WDR72: variants seen among roughly 807,000 people sequenced by gnomAD.
The protein encoded by WDR72 is WD repeat domain 72, also known as WD repeat-containing protein 72.
Under a neutral mutation model 124.2 loss-of-function variants are expected in WDR72, and 120 were observed. That is an observed-to-expected ratio of 0.97 (90% CI 0.83 to 1.12). The LOEUF is 1.12. Ranked by LOEUF, WDR72 falls within the 50% of genes most tolerant of loss-of-function variation. WDR72 has a pLI of 0.00. For missense variants in WDR72, 1,387 were observed against 1,278.8 expected (o/e 1.08, Z -1.29); for synonymous variants, 452 against 441.7 (o/e 1.02, Z -0.29).
chr15:53,550,647 G>A (rs77579188), intron 18 of WDR72, among the ~76,000 whole-genome samples: 1 of 152,182 alleles, frequency 6.6e-6, no homozygotes, highest in African/African-American at 2.4e-5. Context: ...CCTCCACAAG[G>A]AATGATTAGG....
At chr15:53,641,339 A>G (rs2014842484) in intron 14 of WDR72, among the ~76,000 whole-genome samples, 4 of 151,588 alleles carry the variant, frequency 2.6e-5, no homozygotes, top group African/African-American at 9.7e-5. Flanking sequence ...AAGTGCTACT[A>G]TTTTACTGTG....
At chr15:53,657,800 A>T (rs565126607) in intron 14 of WDR72, among the ~76,000 whole-genome samples, 2 of 152,218 alleles carry the variant, frequency 1.3e-5, no homozygotes, top group African/African-American at 4.8e-5. Flanking sequence ...CTCTGGTAGA[A>T]ATCACGGTTG....
At chr15:53,565,403 C>CT (rs1398303973) in intron 18 of WDR72, among the ~76,000 whole-genome samples, 1 of 151,828 alleles carries the variant, frequency 6.6e-6, no homozygotes, top group African/African-American at 2.4e-5. Flanking sequence ...CCACCCATTT[C>CT]TTTTTTGGAA....
rs1892517694 is a variant in WDR72, at chr15:53,532,191, G to C, written c.3149-8869C>G. 2.0e-5 allele frequency among the ~76,000 whole-genome samples: 3 copies of C among 152,116 alleles called. No homozygotes were observed. In the South Asian group the frequency reaches 6.2e-4, roughly 32 times the overall value. On this transcript the variant is annotated intron_variant, in intron 18 of 19. Transcript: ENST00000360509. ...AAAGGAGAACCCTCATACACCGCTG[G>C]TGGGAATGTAAATTAGTACAGCTAC... is the stretch of plus-strand genomic sequence containing the variant.
intron 18 of WDR72, among the ~76,000 whole-genome samples, chr15:53,589,156 A>G (rs1310525226): frequency 6.6e-6 from 1 of 151,924 alleles, no homozygotes. Flanking sequence ...TGAAATAACT[A>G]TCACTAACAG....
intron 14 of WDR72, among the ~76,000 whole-genome samples, chr15:53,662,106 C>T (rs549129017): frequency 6.6e-6 from 1 of 152,164 alleles, no homozygotes; most frequent in South Asian, 2.1e-4. Flanking sequence ...GTTATTTATT[C>T]CCTACTTTGA....
At chr15:53,668,941 G>C (rs1252875638) in intron 13 of WDR72, among the ~76,000 whole-genome samples, 8 of 42,736 alleles carry the variant, frequency 1.9e-4, no homozygotes, top group Non-Finnish European at 4.5e-4. Context: ...GGAGGAGGAG[G>C]AGGAGCAGGA....
intron 13 of WDR72, among the ~76,000 whole-genome samples, chr15:53,669,878 C>A (rs2015928198): frequency 6.6e-6 from 1 of 152,136 alleles, no homozygotes; most frequent in Non-Finnish European, 1.5e-5. Flanking sequence ...AATTCAACTT[C>A]CAATTTCAGG....
chr15:53,557,900 TGA>T (rs941100206), intron 18 of WDR72, among the ~76,000 whole-genome samples: 3 of 151,516 alleles, frequency 2.0e-5, no homozygotes, highest in Admixed American at 1.3e-4. Flanking sequence ...ATTGAGGAGG[TGA>T]GATTCAAATG....
At chr15:53,617,566 G>T (rs1054887064) in intron 14 of WDR72, among the ~76,000 whole-genome samples, 1 of 151,314 alleles carries the variant, frequency 6.6e-6, no homozygotes, top group Admixed American at 6.6e-5. Context: ...GTCAAATAAG[G>T]GTTAATATAA....
rs78493456 is a variant in WDR72, at chr15:53,665,695, C to T, written c.1839G>A (p.Val613=). ...CTGAGGCAATGGGAAGTACAGACTT[C>T]ACAAGCTGTGAATCATCACAACAAT... ...ILNCCDDSQL[V]KSVLPIASET... Residue 613 remains valine, a synonymous_variant, in exon 14 of 20, where the codon GTG becomes GTA. Coordinates refer to ENST00000360509, the MANE Select transcript of WDR72 (RefSeq NM_182758.4). 0.017 allele frequency: 27,096 copies of T among 1,613,872 alleles called. 415 individuals carry two copies. Among genetic ancestry groups the T allele is most frequent in the East Asian group, 0.074 (3,313 of 44,866 alleles).
At chr15:53,550,067 T>A (rs1566955883) in intron 18 of WDR72, among the ~76,000 whole-genome samples, 1 of 152,202 alleles carries the variant, frequency 6.6e-6, no homozygotes, top group Non-Finnish European at 1.5e-5. Context: ...AGCCAACCAT[T>A]GTTTATTGAA....
At chr15:53,641,197 C>T (rs2014835801) in intron 14 of WDR72, among the ~76,000 whole-genome samples, 1 of 151,978 alleles carries the variant, frequency 6.6e-6, no homozygotes. Context: ...CTCAGTTATA[C>T]AAAAGCCTTT....
In WDR72 at chr15:53,757,977, TTCTCTC is replaced by T. The variant is rs5812712; in HGVS notation, c.-13+1650_-13+1655del. ...ACAGGGAGAAACTTAAGAGTTTATT[TTCTCTC>T]TCTCTCTCTCTCTCTCTCTCTCTCT... On this transcript the variant is annotated intron_variant, in intron 1 of 19. Coordinates refer to ENST00000360509, the MANE Select transcript of WDR72 (RefSeq NM_182758.4). Among the ~76,000 whole-genome samples, 171 of 148,372 alleles carry T rather than the reference TTCTCTC, an allele frequency of 1.2e-3. 1 individual carries two copies. Among genetic ancestry groups the T allele is most frequent in the African/African-American group, 1.9e-3 (75 of 40,178 alleles).
intron 18 of WDR72, among the ~76,000 whole-genome samples, chr15:53,553,335 G>C (rs776311953): frequency 1.3e-5 from 2 of 152,174 alleles, no homozygotes; most frequent in Non-Finnish European, 1.5e-5. Context: ...CACAGATGCA[G>C]ACACACACAC....
At chr15:53,560,856 G>A (rs898685689) in intron 18 of WDR72, among the ~76,000 whole-genome samples, 1 of 150,700 alleles carries the variant, frequency 6.6e-6, no homozygotes, top group Non-Finnish European at 1.5e-5. Flanking sequence ...CCCAGCCCCG[G>A]CCCCCCAAAA....
chr15:53,706,346 G>GTATATATATATATATATATA (rs2017358723), intron 9 of WDR72, among the ~76,000 whole-genome samples: 3 of 98,038 alleles, frequency 3.1e-5, no homozygotes, highest in African/African-American at 1.1e-4. Context: ...GTGTGTGTGT[G>GTATATATATATATATATATA]TGTGTATATA....
chr15:53,595,815 C>T (rs1394114624), intron 18 of WDR72, among the ~76,000 whole-genome samples: 1 of 152,092 alleles, frequency 6.6e-6, no homozygotes, highest in African/African-American at 2.4e-5. Flanking sequence ...AGCTTTTTCA[C>T]AGAGGTGAAT....
At chr15:53,641,537 T>C (rs758193892) in intron 14 of WDR72, among the ~76,000 whole-genome samples, 23 of 152,136 alleles carry the variant, frequency 1.5e-4, no homozygotes, top group Non-Finnish European at 2.5e-4. Flanking sequence ...ACTAAGGAGA[T>C]TTTGAAATGG....
Sources: allele counts gnomAD v4.1 joint callset (sites outside exome capture counted in the v4.1 genomes callset), GRCh38; gene constraint gnomAD v4.1.1; transcripts MANE v1.5; gene names NCBI Gene and HGNC (gene_info 2026-07-23, HGNC 2026-07-21).